The following PLEKHG1 variants were observed in gnomAD, a reference collection of about 807,000 sequenced individuals.
The protein encoded by PLEKHG1 is pleckstrin homology and RhoGEF domain containing G1, also known as pleckstrin homology domain-containing family G member 1.
Under a neutral mutation model 100.8 loss-of-function variants are expected in PLEKHG1, and 44 were observed. That is an observed-to-expected ratio of 0.44 (90% CI 0.34 to 0.56). PLEKHG1 has a LOEUF of 0.56. Among genes scored for constraint, PLEKHG1 ranks in the 20% least tolerant of loss-of-function variants. The pLI is 0.01. For missense variants in PLEKHG1, 1,545 were observed against 1,720.9 expected, an observed-to-expected ratio of 0.90 and a Z score of 1.81; for synonymous variants, 640 against 662.5, an observed-to-expected ratio of 0.97 and a Z score of 0.52.
At position 150,642,722 on chromosome 6, in the gene PLEKHG1, T is replaced by G. The variant is rs563883710; in HGVS notation, c.-158+4597T>G. 9.2e-5 allele frequency among the ~76,000 whole-genome samples: 14 copies of G among 152,348 alleles called. No homozygotes were observed. In the South Asian group the frequency reaches 2.7e-3, roughly 29 times the overall value. On this transcript the variant is annotated intron_variant, in intron 2 of 3. Coordinates refer to the PLEKHG1 transcript ENST00000367326. Reference sequence around the variant, plus strand: ...ATGCTGTTGGTGCTCAAATGTTGGATGCATTCAAGGCATTTTAGGAGTAGC... The same window carrying G: ...ATGCTGTTGGTGCTCAAATGTTGGAGGCATTCAAGGCATTTTAGGAGTAGC...
At position 150,831,260 on chromosome 6, in the gene PLEKHG1, A is replaced by G; in HGVS notation, c.2149A>G (p.Thr717Ala). 1 of 1,614,112 alleles carries G rather than the reference A, an allele frequency of 6.2e-7. No homozygotes were observed. Among genetic ancestry groups the G allele is most frequent in the South Asian group, 1.1e-5 (1 of 91,074 alleles). The change falls in exon 15 of 16, where the codon ACA becomes GCA. Residue 717 changes from threonine to alanine, a missense_variant. By Grantham distance (58) the Thr-to-Ala change is moderately conservative. Coordinates refer to ENST00000358517, the Ensembl canonical transcript of PLEKHG1. The surrounding 1 kb of genome is among the most constrained non-coding windows in gnomAD (Gnocchi z 4.1). ...CAGTAAGGGCTCTCTTTACGCACAA[A>G]CAGATGGCACCCTCTCAGGTGGAGA...
At chr6:150,816,924 T>C (rs1415293405) in intron 10 of PLEKHG1, among the ~76,000 whole-genome samples, 1 of 152,132 alleles carries the variant, frequency 6.6e-6, no homozygotes, top group Non-Finnish European at 1.5e-5. Context: ...TAATTCACAG[T>C]AGGGTTCACA....
At chr6:150,644,707 T>C (rs1325504372) in intron 2 of PLEKHG1, among the ~76,000 whole-genome samples, 1 of 152,162 alleles carries the variant, frequency 6.6e-6, no homozygotes, top group African/African-American at 2.4e-5. Context: ...GTTAGTAATA[T>C]CCTTTCTAGA....
chr6:150,762,065 A>C (rs1784187938), intron 2 of PLEKHG1, among the ~76,000 whole-genome samples: 1 of 152,206 alleles, frequency 6.6e-6, no homozygotes, highest in South Asian at 2.1e-4. Context: ...ATGAGGCTGA[A>C]ACCACCCGAT....
At chr6:150,699,982 T>C (rs750090477) in intron 3 of PLEKHG1, among the ~76,000 whole-genome samples, 1 of 152,196 alleles carries the variant, frequency 6.6e-6, no homozygotes, top group Non-Finnish European at 1.5e-5. Flanking sequence ...CTGGTTTTGG[T>C]AAATAGCTCA....
At chr6:150,705,184 C>T (rs2128601209) in intron 3 of PLEKHG1, among the ~76,000 whole-genome samples, 1 of 152,226 alleles carries the variant, frequency 6.6e-6, no homozygotes, top group South Asian at 2.1e-4. Context: ...TTAACAATAC[C>T]ATTATGATAA....
chr6:150,701,131 C>T (rs1181426357), intron 3 of PLEKHG1, among the ~76,000 whole-genome samples: 1 of 151,430 alleles, frequency 6.6e-6, no homozygotes, highest in African/African-American at 2.4e-5. Context: ...ACCCACGTGG[C>T]CAACATGGTG....
At chr6:150,779,135 G>A (rs953458861) in intron 3 of PLEKHG1, among the ~76,000 whole-genome samples, 1 of 152,032 alleles carries the variant, frequency 6.6e-6, no homozygotes, top group African/African-American at 2.4e-5. Flanking sequence ...CTTAAAATTA[G>A]GGATCGGAAC....
At position 150,669,699 on chromosome 6, in the gene PLEKHG1, C is replaced by T. The variant is rs142227583; in HGVS notation, c.-99+18913C>T. On this transcript the variant is annotated intron_variant, in intron 3 of 3. Transcript: ENST00000367326. ...GCAACCTCCACCTCCCAGGTTCAAA[C>T]GTTTCTCCTGCCTCAGCCTCCCGAG... Among the ~76,000 whole-genome samples the T allele has an allele frequency of 8.4e-3, 1,266 of 149,980 alleles. 15 individuals are homozygous for T. The highest frequency in any genetic ancestry group is 0.03 in the African/African-American group (1,212 of 40,848).
intron 7 of PLEKHG1, among the ~76,000 whole-genome samples, chr6:150,807,265 C>T (rs532616757): frequency 1.1e-4 from 16 of 152,214 alleles, no homozygotes; most frequent in African/African-American, 2.6e-4. Context: ...TCCCCAGTTC[C>T]GGTAATCCAC....
intron 1 of PLEKHG1, among the ~76,000 whole-genome samples, chr6:150,626,676 C>T (rs988473272): frequency 7.9e-5 from 12 of 152,214 alleles, no homozygotes; most frequent in African/African-American, 2.2e-4. Flanking sequence ...TGGGGAGGTG[C>T]GTGTAAATTC....
intron 3 of PLEKHG1, among the ~76,000 whole-genome samples, chr6:150,691,108 A>G (rs1185391794): frequency 6.6e-6 from 1 of 152,236 alleles, no homozygotes; most frequent in Non-Finnish European, 1.5e-5. Context: ...ACTAATATTT[A>G]TCCTTTTCTG....
intron 11 of PLEKHG1, among the ~76,000 whole-genome samples, 174 bp downstream of exon 12, chr6:150,818,390 C>T (rs1293670828): frequency 6.6e-6 from 1 of 152,156 alleles, no homozygotes; most frequent in Non-Finnish European, 1.5e-5. Context: ...TGACTTGTTT[C>T]TACATTGGTT....
At chr6:150,649,900 T>G (rs890716653) in intron 2 of PLEKHG1, among the ~76,000 whole-genome samples, 1 of 152,054 alleles carries the variant, frequency 6.6e-6, no homozygotes, top group African/African-American at 2.4e-5. Context: ...TAGTCCCAGC[T>G]GCTGGGGAGG....
intron 3 of PLEKHG1, among the ~76,000 whole-genome samples, chr6:150,691,192 T>A (rs1322661608): frequency 6.6e-6 from 1 of 152,238 alleles, no homozygotes; most frequent in Non-Finnish European, 1.5e-5. Flanking sequence ...TTATGACTAA[T>A]GAGATGGTCT....
At chr6:150,821,481 C>T (rs753886080) in intron 13 of PLEKHG1, among the ~76,000 whole-genome samples, 13 of 152,048 alleles carry the variant, frequency 8.5e-5, no homozygotes, top group East Asian at 1.9e-4. Context: ...GCCAGGACTT[C>T]GAGACTAGCC....
At chr6:150,652,831 T>C (rs562166127) in intron 3 of PLEKHG1, among the ~76,000 whole-genome samples, 1 of 152,250 alleles carries the variant, frequency 6.6e-6, no homozygotes, top group African/African-American at 2.4e-5. Context: ...AGTGCAACAA[T>C]GGGTTAGAGC....
chr6:150,649,161 A>G (rs1778613419), intron 2 of PLEKHG1, among the ~76,000 whole-genome samples: 1 of 152,154 alleles, frequency 6.6e-6, no homozygotes, highest in South Asian at 2.1e-4. Flanking sequence ...TACAAATGAA[A>G]CTGCATTGTT....
At chr6:150,840,297 G>A (rs368937253) in exon 16 of PLEKHG1, 47 of 1,614,036 alleles carry the variant, frequency 2.9e-5, no homozygotes, top group African/African-American at 1.7e-4. Context: ...ATCTTCCTCC[G>A]TCTTGATCAA....
Sources: gnomAD v4.1 joint callset for allele counts (sites outside exome capture counted in the v4.1 genomes callset) on GRCh38, gnomAD v4.1.1 for gene constraint, Gnocchi (gnomAD v3.1) non-coding constraint, MANE v1.5 for transcripts, NCBI Gene and HGNC (gene_info 2026-07-23, HGNC 2026-07-21) for gene names.